GRID1: variants seen among roughly 807,000 people sequenced by gnomAD.
GRID1 encodes glutamate receptor ionotropic, delta-1.
In GRID1, 28 loss-of-function variants were observed where a neutral mutation model predicts 98.0. The ratio of observed to expected loss-of-function variants is 0.29; its 90% CI spans 0.21 to 0.39. GRID1 has a LOEUF of 0.39. Among genes scored for constraint, GRID1 ranks in the 10% least tolerant of loss-of-function variants. GRID1 has a pLI of 1.00. For synonymous variants in GRID1, 553 were observed against 538.5 expected (o/e 1.03, Z -0.37); for missense variants, 1,111 against 1,340.5 (o/e 0.83, Z 2.67).
Position 85,711,565 on chromosome 10 carries a change from A to G in GRID1, c.1997+11438T>C, listed in dbSNP as rs558925226. Reference sequence around the variant, plus strand: ...ATAGATGGTAATGTTGATTGTGACAATGTGAATATACTTAGTGCCACTAAA... The same window carrying G: ...ATAGATGGTAATGTTGATTGTGACAGTGTGAATATACTTAGTGCCACTAAA... On this transcript the variant is annotated intron_variant, in intron 12 of 15. Coordinates refer to ENST00000327946, the MANE Select transcript of GRID1 (RefSeq NM_017551.3). 1.6e-4 allele frequency among the ~76,000 whole-genome samples: 25 copies of G among 152,008 alleles called. No individual in the cohort carries two copies. In the South Asian group the frequency reaches 5.2e-3, roughly 31 times the overall value.
At chr10:85,932,778 CACTG>C (rs1037091988) in intron 4 of GRID1, among the ~76,000 whole-genome samples, 1 of 152,174 alleles carries the variant, frequency 6.6e-6, no homozygotes, top group Non-Finnish European at 1.5e-5. Flanking sequence ...TGACTAAGAA[CACTG>C]ACTGATGCAA....
chr10:85,962,177 C>G lies in GRID1; in HGVS notation c.727-45938G>C, dbSNP rs151159628. On this transcript the variant is annotated intron_variant, in intron 4 of 15. Transcript: ENST00000327946. ...CACTGTGCTCATGGTGCAAGGGTCC[C>G]TGGTGGGCTCCTACAGGGGTCTGCC... Among the ~76,000 whole-genome samples the G allele has an allele frequency of 2.3e-3, 354 of 152,284 alleles. 2 individuals carry two copies. The highest frequency in any genetic ancestry group is 7.9e-3 in the African/African-American group (327 of 41,576).
At chr10:85,860,334 C>T (rs891499000) in intron 6 of GRID1, among the ~76,000 whole-genome samples, 1 of 152,166 alleles carries the variant, frequency 6.6e-6, no homozygotes, top group African/African-American at 2.4e-5. Flanking sequence ...AAAAAGCATT[C>T]CAGGTAAGAG....
chr10:85,990,249 C>T (rs992384062), intron 4 of GRID1, among the ~76,000 whole-genome samples: 1 of 152,168 alleles, frequency 6.6e-6, no homozygotes, highest in African/African-American at 2.4e-5. Flanking sequence ...CTTCACAATA[C>T]ACTCATCTCT....
At chr10:85,936,518 T>TAAA (rs58110757) in intron 4 of GRID1, among the ~76,000 whole-genome samples, 14,338 of 145,832 alleles carry the variant, frequency 0.098, 827 homozygotes, top group Non-Finnish European at 0.14. Context: ...AGCACCAAAC[T>TAAA]AAAAAAAAAA....
chr10:86,034,747 T>C (rs894783918), intron 4 of GRID1, among the ~76,000 whole-genome samples: 1 of 151,956 alleles, frequency 6.6e-6, no homozygotes, highest in Non-Finnish European at 1.5e-5. Context: ...GTGTGAGAGT[T>C]TCTGAAAATA....
intron 12 of GRID1, among the ~76,000 whole-genome samples, chr10:85,705,708 A>G (rs1001684137): frequency 1.3e-5 from 2 of 152,236 alleles, no homozygotes; most frequent in African/African-American, 2.4e-5. Context: ...AAAATCCTCA[A>G]TAAAATATTG....
At chr10:85,730,216 T>C (rs1939748041) in intron 8 of GRID1, among the ~76,000 whole-genome samples, 2 of 152,176 alleles carry the variant, frequency 1.3e-5, no homozygotes, top group African/African-American at 4.8e-5. Flanking sequence ...TCTGCTACAT[T>C]CTCTTAAGCC....
intron 10 of GRID1, 71 bp downstream of exon 10, chr10:85,727,784 G>A (rs1169179962): frequency 2.6e-6 from 3 of 1,160,960 alleles, no homozygotes; most frequent in Non-Finnish European, 3.9e-6. Context: ...CTGTGCAATT[G>A]GTCAAGTTTA....
chr10:86,189,833 C>T (rs1268268797), intron 3 of GRID1, among the ~76,000 whole-genome samples: 2 of 152,172 alleles, frequency 1.3e-5, no homozygotes, highest in African/African-American at 4.8e-5. Context: ...TGGGAGGAGG[C>T]TCTTGTGCCC....
chr10:85,667,316 C>CAGAGAGAGAGAG, intron 12 of GRID1, among the ~76,000 whole-genome samples: 1 of 148,906 alleles, frequency 6.7e-6, no homozygotes, highest in Non-Finnish European at 1.5e-5. Context: ...CACACACACA[C>CAGAGAGAGAGAG]AGAGAGAGAG....
At position 86,137,577 on chromosome 10, in the gene GRID1, A is replaced by C. The variant is rs563813596; in HGVS notation, c.726+1242T>G. On this transcript the variant is annotated intron_variant, in intron 4 of 15. Coordinates refer to ENST00000327946, the MANE Select transcript of GRID1 (RefSeq NM_017551.3). ...GCAAGAAGAGCCATCCCCTGAGCAG[A>C]CTTTTGCAAACACACAGCTGGGTAT... 5.3e-5 allele frequency among the ~76,000 whole-genome samples: 8 copies of C among 152,346 alleles called. 1 individual carries two copies. The South Asian group carries it at 1.7e-3, about 32-fold the overall frequency.
intron 8 of GRID1, among the ~76,000 whole-genome samples, chr10:85,842,350 A>G (rs1842968731): frequency 1.3e-5 from 2 of 152,116 alleles, no homozygotes; most frequent in Admixed American, 1.3e-4. Flanking sequence ...GAAGAGCAGA[A>G]AAATATCTAA....
At chr10:86,038,872 A>G (rs1042934012) in intron 4 of GRID1, among the ~76,000 whole-genome samples, 1 of 152,204 alleles carries the variant, frequency 6.6e-6, no homozygotes, top group Non-Finnish European at 1.5e-5. Context: ...ATCTCACAAC[A>G]GCCCCTACCC....
At chr10:85,657,945 C>T (rs1840921197) in intron 12 of GRID1, among the ~76,000 whole-genome samples, 1 of 152,206 alleles carries the variant, frequency 6.6e-6, no homozygotes, top group Non-Finnish European at 1.5e-5. Context: ...AAGAACATGG[C>T]TAGCTCTCAG....
In GRID1 at chr10:85,948,560, T is replaced by G. The variant is rs574884872; in HGVS notation, c.727-32321A>C. ...AAGCCTAGTATTAAGATTAAAACATTATGAACCTATCTTTTAGAGGTATTT... is the reference window on the plus strand; with the variant it reads ...AAGCCTAGTATTAAGATTAAAACATGATGAACCTATCTTTTAGAGGTATTT... On this transcript the variant is annotated intron_variant, in intron 4 of 15. Transcript: ENST00000327946. Among the ~76,000 whole-genome samples, 3 of 152,354 alleles carry G rather than the reference T, an allele frequency of 2.0e-5. No homozygotes were observed. In the East Asian group the frequency reaches 5.8e-4, roughly 29 times the overall value.
At chr10:86,246,682 A>C (rs919084182) in intron 2 of GRID1, among the ~76,000 whole-genome samples, 1 of 151,130 alleles carries the variant, frequency 6.6e-6, no homozygotes, top group Non-Finnish European at 1.5e-5. Context: ...CGTACCTTGC[A>C]CAAGAACCCC....
intron 12 of GRID1, among the ~76,000 whole-genome samples, chr10:85,705,353 T>A (rs946159253): frequency 2.0e-5 from 3 of 151,862 alleles, no homozygotes; most frequent in Admixed American, 1.3e-4. Context: ...AACTAGAAAA[T>A]CTGGAAGAAA....
chr10:86,124,704 T>A (rs1372573738), intron 4 of GRID1, among the ~76,000 whole-genome samples: 1 of 152,226 alleles, frequency 6.6e-6, no homozygotes, highest in Non-Finnish European at 1.5e-5. Context: ...TCTCAGTCCC[T>A]TTATATTCTC....
Sources: allele counts gnomAD v4.1 joint callset (sites outside exome capture counted in the v4.1 genomes callset), GRCh38; gene constraint gnomAD v4.1.1; transcripts MANE v1.5; gene names NCBI Gene and HGNC (gene_info 2026-07-23, HGNC 2026-07-21).